LCP2: variants seen among roughly 807,000 people sequenced by gnomAD.
LCP2 encodes the protein lymphocyte cytosolic protein 2, also known as 76 kDa tyrosine phosphoprotein.
Under a neutral mutation model 74.5 loss-of-function variants are expected in LCP2, and 29 were observed. The ratio of observed to expected loss-of-function variants is 0.39; its 90% CI spans 0.29 to 0.53. The LOEUF (loss-of-function observed/expected upper bound fraction) is 0.53, where lower values mean the gene tolerates loss of function less well. Among genes scored for constraint, LCP2 ranks in the 20% least tolerant of loss-of-function variants. The probability of loss-of-function intolerance (pLI) is 0.72; values close to 1 mark genes in which losing one functional copy is unlikely to be tolerated. For synonymous variants in LCP2, 228 were observed against 229.5 expected (o/e 0.99, Z 0.06); for missense variants, 604 against 634.6 (o/e 0.95, Z 0.52).
chr5:170,295,556 C>T (rs1411678841), intron 1 of LCP2, among the ~76,000 whole-genome samples: 3 of 152,340 alleles, frequency 2.0e-5, no homozygotes, highest in Admixed American at 6.5e-5. Flanking sequence ...GTGTGTCCGA[C>T]CTCAGAGCTG....
In LCP2 at chr5:170,262,841, C is replaced by A; in HGVS notation, c.818+1G>T. On this transcript the variant is annotated splice_donor_variant, in intron 12 of 20. Transcript: ENST00000046794. LOFTEE classifies it high-confidence loss of function. ...CCCTCATGTAGATGCAACAGTCTTA[C>A]CTTCCCGCTGGAATCGAGGGCTGCA... The A allele has an allele frequency of 6.2e-7, 1 of 1,614,058 alleles. No homozygotes were observed. The highest frequency in any genetic ancestry group is 8.5e-7 in the Non-Finnish European group (1 of 1,179,902).
chr5:170,262,942 A>G (rs745498391), intron 11 of LCP2, 25 bp downstream of exon 11: 1 of 1,614,020 alleles, frequency 6.2e-7, no homozygotes, highest in Non-Finnish European at 8.5e-7. Flanking sequence ...AACAAACACA[A>G]CCAAAAAACA....
intron 14 of LCP2, among the ~76,000 whole-genome samples, chr5:170,259,727 G>T (rs576149294): frequency 6.6e-6 from 1 of 152,190 alleles, no homozygotes; most frequent in Non-Finnish European, 1.5e-5. Context: ...CACACACTGA[G>T]AGAAGGCGAA....
intron 19 of LCP2, chr5:170,251,906 T>C: frequency 4.1e-6 from 1 of 242,458 alleles, no homozygotes; most frequent in Non-Finnish European, 8.8e-6. Flanking sequence ...AGATTTTTGC[T>C]TTCCCATTTC....
chr5:170,256,375 A>G lies in LCP2; in HGVS notation c.1150+151T>C. ...TCCTATCATTCCGACAGCCCTTGGCACACTGCAGACACGGAATTAAATGTT... is the reference window on the plus strand; with the variant it reads ...TCCTATCATTCCGACAGCCCTTGGCGCACTGCAGACACGGAATTAAATGTT... On this transcript the variant is annotated intron_variant, in intron 17 of 20. Transcript: ENST00000046794. The surrounding 1 kb of genome is among the most constrained non-coding windows in gnomAD (Gnocchi z 4.5). 1 of 670,460 alleles carries G rather than the reference A, an allele frequency of 1.5e-6. No individual in the cohort carries two copies. Among genetic ancestry groups the G allele is most frequent in the South Asian group, 1.7e-5 (1 of 57,814 alleles). 41.5% of individuals were successfully genotyped at this position (670,460 alleles called of 1,614,324 possible).
intron 8 of LCP2, 29 bp downstream of exon 8, chr5:170,268,356 G>T: frequency 5.8e-6 from 2 of 344,168 alleles, no homozygotes; most frequent in Non-Finnish European, 9.8e-6. Context: ...TGGACACCAA[G>T]TACTGTAAAA....
intron 2 of LCP2, 76 bp from the exon 3 acceptor site, chr5:170,288,092 G>C (rs112241931): frequency 1.4e-6 from 2 of 1,447,048 alleles, no homozygotes; most frequent in African/African-American, 2.8e-5. Flanking sequence ...AGAGTGATAC[G>C]TGAAACAATA....
chr5:170,253,427 A>T (rs980160267), intron 17 of LCP2, among the ~76,000 whole-genome samples: 1 of 152,202 alleles, frequency 6.6e-6, no homozygotes, highest in Admixed American at 6.5e-5. Flanking sequence ...ATGCCAGTAA[A>T]ACTTTGAGAA....
intron 20 of LCP2, among the ~76,000 whole-genome samples, 170 bp downstream of exon 20, chr5:170,250,560 C>T (rs1002643659): frequency 1.3e-5 from 2 of 152,114 alleles, no homozygotes; most frequent in Non-Finnish European, 2.9e-5. Flanking sequence ...GCAGAAGTAA[C>T]CATTGTAAAG....
chr5:170,294,970 C>T (rs1002381599), intron 1 of LCP2, among the ~76,000 whole-genome samples: 5 of 152,184 alleles, frequency 3.3e-5, no homozygotes, highest in South Asian at 2.1e-4. Context: ...GCACCCTAGA[C>T]GATTCCTATG....
intron 6 of LCP2, 66 bp downstream of exon 6, chr5:170,274,235 C>A: frequency 1.3e-6 from 2 of 1,547,378 alleles, no homozygotes; most frequent in Non-Finnish European, 1.8e-6. Flanking sequence ...TCCATCCTGG[C>A]TCCTTATCAC....
At chr5:170,253,643 T>C (rs1761495418) in intron 17 of LCP2, among the ~76,000 whole-genome samples, 1 of 151,708 alleles carries the variant, frequency 6.6e-6, no homozygotes, top group South Asian at 2.1e-4. Flanking sequence ...AATGCAATGA[T>C]GAAGATAATT....
chr5:170,261,451 C>G (rs552161414), intron 13 of LCP2, among the ~76,000 whole-genome samples: 1 of 115,112 alleles, frequency 8.7e-6, no homozygotes, highest in East Asian at 2.4e-4. Flanking sequence ...TGTACACACA[C>G]ACTATATGTA....
In LCP2 at chr5:170,270,907, T is replaced by C; in HGVS notation, c.335A>G (p.Asp112Gly). The C allele has an allele frequency of 6.2e-7, 1 of 1,612,092 alleles. No individual in the cohort carries two copies. Among genetic ancestry groups the C allele is most frequent in the Non-Finnish European group, 8.5e-7 (1 of 1,179,092 alleles). Residue 112 changes from aspartate (D) to glycine (G), a missense_variant, in exon 7 of 21, where the codon GAT becomes GGT. Transcript: ENST00000046794. ...NGGWSSFEED[D>G]YESPNDDQDG... ...CTGGTCATCATTGGGACTTTCATAA[T>C]CGTCTTCTTCCTGCCCACACAGTGA...
intron 17 of LCP2, 71 bp from the exon 18 acceptor site, chr5:170,253,284 A>G: frequency 9.4e-7 from 1 of 1,068,910 alleles, no homozygotes; most frequent in Non-Finnish European, 1.4e-6. Context: ...AACACAAAAC[A>G]CATTCCCCCC....
intron 7 of LCP2, among the ~76,000 whole-genome samples, chr5:170,270,095 A>G (rs1761870276): frequency 6.6e-6 from 1 of 152,218 alleles, no homozygotes; most frequent in Non-Finnish European, 1.5e-5. Context: ...ACTAGAATGT[A>G]AGCCCCAGGA....
chr5:170,248,685 G>C lies in LCP2; in HGVS notation c.*12C>G, dbSNP rs538560828. Reference sequence around the variant, plus strand: ...AGGCAGGAGGACGGTTCATTTGCTCGGCTATAACTTGCTATGGGTACCCTG... The same window carrying C: ...AGGCAGGAGGACGGTTCATTTGCTCCGCTATAACTTGCTATGGGTACCCTG... On this transcript the variant is annotated 3_prime_UTR_variant, in exon 21 of 21. Coordinates refer to ENST00000046794, the MANE Select transcript of LCP2 (RefSeq NM_005565.5). 6 of 1,573,212 alleles carry C rather than the reference G, an allele frequency of 3.8e-6. No homozygotes were observed. In the South Asian group the frequency reaches 6.7e-5, roughly 18 times the overall value.
chr5:170,266,784 G>A, intron 10 of LCP2, 24 bp downstream of exon 10: 1 of 1,567,650 alleles, frequency 6.4e-7, no homozygotes, highest in Non-Finnish European at 8.8e-7. Flanking sequence ...TTATTACTAT[G>A]CATTAAATGT....
chr5:170,277,150 C>G (rs1288928238), intron 3 of LCP2, among the ~76,000 whole-genome samples: 1 of 151,530 alleles, frequency 6.6e-6, no homozygotes, highest in Non-Finnish European at 1.5e-5. Flanking sequence ...CCCCTTTTCC[C>G]ACAACTCACA....
Sources: gnomAD v4.1 joint callset for allele counts (sites outside exome capture counted in the v4.1 genomes callset) on GRCh38, gnomAD v4.1.1 for gene constraint, Gnocchi (gnomAD v3.1) non-coding constraint, MANE v1.5 for transcripts, NCBI Gene and HGNC (gene_info 2026-07-23, HGNC 2026-07-21) for gene names.